DEPDC5: variants seen among roughly 807,000 people sequenced by gnomAD.
DEPDC5 encodes the protein DEP domain containing 5, GATOR1 subcomplex subunit, also known as GATOR1 complex protein DEPDC5.
DEPDC5 carries 73 observed loss-of-function variants against 217.3 expected under a neutral mutation model. That is an observed-to-expected ratio of 0.34 (90% CI 0.28 to 0.41). The LOEUF (loss-of-function observed/expected upper bound fraction) is 0.41, where lower values mean the gene tolerates loss of function less well. Among genes scored for constraint, DEPDC5 ranks in the 10% least tolerant of loss-of-function variants. The pLI is 1.00. For synonymous variants in DEPDC5, 733 were observed against 756.7 expected, an observed-to-expected ratio of 0.97 and a Z score of 0.51; for missense variants, 1,675 against 2,070.1, an observed-to-expected ratio of 0.81 and a Z score of 3.70.
chr22:31,846,813 G>T, intron 30 of DEPDC5, 21 bp from the exon 31 acceptor site: 3 of 1,614,152 alleles, frequency 1.9e-6, no homozygotes, highest in Non-Finnish European at 2.5e-6. Flanking sequence ...TGATGGCCTT[G>T]TCTCCTCTTC....
intron 7 of DEPDC5, among the ~76,000 whole-genome samples, chr22:31,772,760 T>C (rs2083469768): frequency 6.6e-6 from 1 of 150,880 alleles, no homozygotes; most frequent in African/African-American, 2.4e-5. Context: ...TGCTTCCTCT[T>C]TTATTTTTAA....
chr22:31,811,939 G>A (rs1485008013), intron 20 of DEPDC5, among the ~76,000 whole-genome samples: 4 of 152,130 alleles, frequency 2.6e-5, no homozygotes, highest in African/African-American at 7.2e-5. Flanking sequence ...CAGAGTTACA[G>A]ATGTGTATTT....
intron 37 of DEPDC5, among the ~76,000 whole-genome samples, chr22:31,879,043 A>AAAAAAAAATATAT: frequency 8.4e-6 from 1 of 119,464 alleles, no homozygotes; most frequent in South Asian, 2.9e-4. Flanking sequence ...AAAAAAAAAA[A>AAAAAAAAATATAT]ATATATATAT....
chr22:31,832,332 T>C (rs2090664990), intron 24 of DEPDC5, among the ~76,000 whole-genome samples: 1 of 152,228 alleles, frequency 6.6e-6, no homozygotes, highest in African/African-American at 2.4e-5. Context: ...AAATGGTAAA[T>C]CTGTTTTCCA....
At chr22:31,760,559 A>G in intron 3 of DEPDC5, 97 bp from the exon 4 acceptor site, 2 of 1,041,788 alleles carry the variant, frequency 1.9e-6, no homozygotes, top group Non-Finnish European at 2.9e-6. Context: ...AAGTCACAGA[A>G]TGGCCAGAGT....
intron 40 of DEPDC5, among the ~76,000 whole-genome samples, chr22:31,900,554 C>T (rs1339794992): frequency 6.6e-6 from 1 of 151,614 alleles, no homozygotes; most frequent in African/African-American, 2.4e-5. Flanking sequence ...GCCTGGCCAA[C>T]ATGTTGAAAC....
intron 15 of DEPDC5, among the ~76,000 whole-genome samples, chr22:31,803,858 G>A (rs2087166761): frequency 6.6e-6 from 1 of 152,026 alleles, no homozygotes; most frequent in Non-Finnish European, 1.5e-5. Context: ...TTCCTTTCTG[G>A]CCTTAAAAAT....
At position 31,846,344 on chromosome 22, in the gene DEPDC5, A is replaced by G. The variant is rs559534031; in HGVS notation, c.3022-490A>G. Among the ~76,000 whole-genome samples the G allele has an allele frequency of 1.2e-3, 188 of 152,270 alleles. 2 individuals carry two copies. The Middle Eastern group carries it at 0.014, about 11-fold the overall frequency. ...AATCACCAGGGAATGTTCCATCATC[A>G]GCCATGTTTTTTTTGTTTTTAACCT... On this transcript the variant is annotated intron_variant, in intron 30 of 42. Transcript: ENST00000651528.
intron 12 of DEPDC5, among the ~76,000 whole-genome samples, chr22:31,797,079 G>A (rs972040223): frequency 4.8e-5 from 7 of 146,942 alleles, no homozygotes; most frequent in Non-Finnish European, 1.0e-4. Context: ...TTTTGAGACA[G>A]AGTCTTGCTC....
At chr22:31,886,497 C>T (rs901037749) in intron 38 of DEPDC5, among the ~76,000 whole-genome samples, 2 of 152,092 alleles carry the variant, frequency 1.3e-5, no homozygotes, top group Non-Finnish European at 2.9e-5. Flanking sequence ...TGGTGGCTCA[C>T]GGCTGTAATC....
Position 31,843,122 on chromosome 22 carries a change from A to T in DEPDC5, c.2543A>T (p.Glu848Val), listed in dbSNP as rs768781316. The T allele has an allele frequency of 6.2e-7, 1 of 1,613,972 alleles. No homozygotes were observed. Residue 848 changes from glutamate (E) to valine (V), a missense_variant, in exon 28 of 43, where the codon GAG (glutamate) becomes GTG (valine). By Grantham distance (121) the Glu-to-Val change is moderately radical. This residue lies in a region of DEPDC5 where 293 missense variants were observed against 386.1 expected (regional missense o/e 0.76). Transcript: ENST00000651528. ...CTTGTGTCCCGAAACCGCCCTGAGG[A>T]GGAGGACCAGTATTGGCTGAGTATG... Reference protein sequence around the residue: ...RGLVSRNRPEEEDQYWLSMGR... With the variant: ...RGLVSRNRPEVEDQYWLSMGR...
At chr22:31,821,157 C>G (rs545095982) in intron 22 of DEPDC5, among the ~76,000 whole-genome samples, 7 of 152,340 alleles carry the variant, frequency 4.6e-5, no homozygotes, top group African/African-American at 1.7e-4. Context: ...TTTGGTGTTT[C>G]ACTTGTATTT....
At chr22:31,796,996 CTT>C (rs138290) in intron 12 of DEPDC5, among the ~76,000 whole-genome samples, 29 of 132,500 alleles carry the variant, frequency 2.2e-4, no homozygotes, top group Admixed American at 3.9e-4. Context: ...TGCCCAGCCT[CTT>C]TTTTTTTTTT....
chr22:31,832,124 G>C (rs1476947496), intron 24 of DEPDC5, among the ~76,000 whole-genome samples: 2 of 152,210 alleles, frequency 1.3e-5, no homozygotes, highest in African/African-American at 2.4e-5. Context: ...TTATTGCTGA[G>C]TAGTATTCCA....
At chr22:31,842,889 T>A (rs1369754517) in intron 27 of DEPDC5, among the ~76,000 whole-genome samples, 1 of 152,222 alleles carries the variant, frequency 6.6e-6, no homozygotes, top group Non-Finnish European at 1.5e-5. Context: ...GGCTCTAATC[T>A]GCTCCTGGTT....
At chr22:31,754,458 G>T (rs1020331002) in intron 1 of DEPDC5, among the ~76,000 whole-genome samples, 1 of 152,220 alleles carries the variant, frequency 6.6e-6, no homozygotes, top group Non-Finnish European at 1.5e-5. Context: ...CTTAAGTCTC[G>T]AGTGACCTTG....
intron 12 of DEPDC5, among the ~76,000 whole-genome samples, chr22:31,796,723 G>A (rs1341984020): frequency 6.6e-6 from 1 of 151,450 alleles, no homozygotes; most frequent in Non-Finnish European, 1.5e-5. Flanking sequence ...TTGAGATGGA[G>A]TCTCGCTCTT....
chr22:31,786,359 A>G (rs1344294588), intron 10 of DEPDC5, among the ~76,000 whole-genome samples: 1 of 150,560 alleles, frequency 6.6e-6, no homozygotes, highest in African/African-American at 2.4e-5. Flanking sequence ...ATTGCAGACC[A>G]GCCCCAGCAA....
chr22:31,841,806 A>G (rs1259078181), intron 27 of DEPDC5, among the ~76,000 whole-genome samples: 2 of 152,170 alleles, frequency 1.3e-5, no homozygotes, highest in Non-Finnish European at 2.9e-5. Flanking sequence ...AGGTGTGGAA[A>G]GTTGGGGTTT....
Sources: allele counts gnomAD v4.1 joint callset (sites outside exome capture counted in the v4.1 genomes callset), GRCh38; gene constraint gnomAD v4.1.1; regional missense constraint gnomAD v4.1.1; transcripts MANE v1.5; gene names NCBI Gene and HGNC (gene_info 2026-07-23, HGNC 2026-07-21).